The following AHCTF1 variants were observed in gnomAD, a reference collection of about 807,000 sequenced individuals.
AHCTF1 encodes AT-hook containing transcription factor 1.
Under a neutral mutation model 248.4 loss-of-function variants are expected in AHCTF1, and 24 were observed. That is an observed-to-expected ratio of 0.10 (90% confidence interval 0.07 to 0.14). The LOEUF is 0.14. Among genes scored for constraint, AHCTF1 ranks in the 10% least tolerant of loss-of-function variants. The probability of loss-of-function intolerance (pLI) is 1.00; values close to 1 mark genes in which losing one functional copy is unlikely to be tolerated. For synonymous variants in AHCTF1, 786 were observed against 929.8 expected (o/e 0.85, Z 2.81); for missense variants, 2,206 against 2,636.2 (o/e 0.84, Z 3.57).
chr1:246,930,364 C>G (rs1409242255), intron 1 of AHCTF1, among the ~76,000 whole-genome samples: 1 of 151,894 alleles, frequency 6.6e-6, no homozygotes, highest in Non-Finnish European at 1.5e-5. Context: ...TTTGCAAACT[C>G]GTGACAGCTT....
At chr1:246,922,177 T>C (rs558372239) in intron 1 of AHCTF1, among the ~76,000 whole-genome samples, 1 of 152,230 alleles carries the variant, frequency 6.6e-6, no homozygotes, top group Non-Finnish European at 1.5e-5. Context: ...CCAACCAGTA[T>C]GGTGAAACCC....
At chr1:246,901,424 C>G (rs1461223007) in intron 8 of AHCTF1, among the ~76,000 whole-genome samples, 1 of 152,000 alleles carries the variant, frequency 6.6e-6, no homozygotes, top group Non-Finnish European at 1.5e-5. Flanking sequence ...ATCATGAGGT[C>G]AGGAGATGGC....
At chr1:246,917,646 A>G (rs761918399) in intron 2 of AHCTF1, among the ~76,000 whole-genome samples, 2 of 152,220 alleles carry the variant, frequency 1.3e-5, no homozygotes, top group Non-Finnish European at 2.9e-5. Flanking sequence ...TGGCGCTGTC[A>G]AGAGAGAAAT....
At chr1:246,863,540 G>A (rs1028414799) in intron 27 of AHCTF1, among the ~76,000 whole-genome samples, 1 of 152,016 alleles carries the variant, frequency 6.6e-6, no homozygotes, top group Non-Finnish European at 1.5e-5. Context: ...TTTTGTCAAA[G>A]AATTTAAATA....
Position 246,900,185 on chromosome 1 carries a change from T to C in AHCTF1, c.1312A>G (p.Ser438Gly), listed in dbSNP as rs753660728. 2.5e-6 allele frequency: 4 copies of C among 1,608,898 alleles called. No individual in the cohort carries two copies. The highest frequency in any genetic ancestry group is 2.7e-5 in the African/African-American group (2 of 74,612). Residue 438 changes from serine (S) to glycine (G), a missense_variant, in exon 10 of 36, where the codon AGT becomes GGT. Coordinates refer to ENST00000648844, the MANE Select transcript of AHCTF1 (RefSeq NM_001323342.2). ...FALWSLESVV[S>G]RTSPHGILDI... ...AAGATGCCATGTGGAGAAGTCCTAC[T>C]TACAACAGACTCCAATGACCACAGT...
At chr1:246,863,884 A>G (rs1481119042) in intron 27 of AHCTF1, 40 bp downstream of exon 27, 1 of 1,590,662 alleles carries the variant, frequency 6.3e-7, no homozygotes, top group African/African-American at 1.3e-5. Context: ...AGTAAGAGCC[A>G]TCTAGTTTGA....
chr1:246,846,284 C>CTGCATCCCTA lies in AHCTF1; in HGVS notation c.6392-2366_6392-2357dup, dbSNP rs1660252143. 9.2e-5 allele frequency among the ~76,000 whole-genome samples: 14 copies of CTGCATCCCTA among 151,896 alleles called. No homozygotes were observed. In the South Asian group the frequency reaches 2.7e-3, roughly 29 times the overall value. ...TACCTATACCCAGTCTTCTCGGCACCTGCATCCCTATGTAAAAACGAAGTT... is the reference window on the plus strand; with the variant it reads ...TACCTATACCCAGTCTTCTCGGCACCTGCATCCCTATGCATCCCTATGTAAAAACGAAGTT... On this transcript the variant is annotated intron_variant, in intron 33 of 35. Coordinates refer to ENST00000648844, the MANE Select transcript of AHCTF1 (RefSeq NM_001323342.2).
chr1:246,921,191 T>C (rs1666524150), intron 1 of AHCTF1, among the ~76,000 whole-genome samples: 2 of 151,974 alleles, frequency 1.3e-5, no homozygotes, highest in African/African-American at 4.8e-5. Context: ...AAGCAAAATA[T>C]TGCTTAAGGA....
rs777048628 is a variant in AHCTF1 at position 246,891,855 on chromosome 1, T to C, written c.1869A>G (p.Gln623=). Residue 623 remains glutamine, a synonymous_variant, in exon 15 of 36, where the codon CAA becomes CAG. Coordinates refer to ENST00000648844, the MANE Select transcript of AHCTF1 (RefSeq NM_001323342.2). Reference sequence around the variant, plus strand: ...TAAGATTGCTAAGAAGCAAATAGCATTGCTGGATAGACTGTATAGTTTGTG... The same window carrying C: ...TAAGATTGCTAAGAAGCAAATAGCACTGCTGGATAGACTGTATAGTTTGTG... The part of the protein sequence containing the change: ...MDPQTIQSIQ[Q]CYLLLSNLNI... 23 of 1,605,228 alleles carry C rather than the reference T, an allele frequency of 1.4e-5. No individual in the cohort carries two copies. The highest frequency in any genetic ancestry group is 1.7e-5 in the Non-Finnish European group (20 of 1,177,262).
Position 246,839,408 on chromosome 1 carries a change from A to G in AHCTF1, c.*1398T>C, listed in dbSNP as rs1390755484. 3.1e-6 allele frequency: 1 copy of G among 324,404 alleles called. No individual in the cohort carries two copies. The highest frequency in any genetic ancestry group is 4.4e-6 in the Non-Finnish European group (1 of 225,908). 20.1% of individuals were successfully genotyped at this position (324,404 alleles called of 1,614,324 possible). A position where few individuals can be genotyped will look rare whatever the true frequency, so the allele number is the denominator to read the frequency against. ...TTATTCATTTAACAAGTTCATTTAA[A>G]TAAGTTCAATATTCCATAAATGACA... On this transcript the variant is annotated 3_prime_UTR_variant, in exon 36 of 36. Coordinates refer to ENST00000648844, the MANE Select transcript of AHCTF1 (RefSeq NM_001323342.2).
chr1:246,885,464 G>A, intron 21 of AHCTF1, 29 bp downstream of exon 21: 2 of 1,545,548 alleles, frequency 1.3e-6, no homozygotes, highest in South Asian at 2.3e-5. Flanking sequence ...ATACGATAAA[G>A]ACTTTATAGT....
intron 23 of AHCTF1, among the ~76,000 whole-genome samples, 158 bp from the exon 24 acceptor site, chr1:246,876,345 AT>A (rs975570459): frequency 6.6e-6 from 1 of 152,126 alleles, no homozygotes; most frequent in African/African-American, 2.4e-5. Flanking sequence ...CACATATCTA[AT>A]TTTTTTATCA....
rs571885337 is a variant in AHCTF1 at position 246,899,117 on chromosome 1, CTT to C, written c.1494+332_1494+333del. Among the ~76,000 whole-genome samples, 6 of 148,110 alleles carry C rather than the reference CTT, an allele frequency of 4.1e-5. No homozygotes were observed. The South Asian group carries it at 6.4e-4, about 16-fold the overall frequency. On this transcript the variant is annotated intron_variant, in intron 11 of 35. Coordinates refer to ENST00000648844, the MANE Select transcript of AHCTF1 (RefSeq NM_001323342.2). ...AAAGAGAAAAGTATTTTTCAAAATT[CTT>C]TTTTTTTTTCCTGTGCCAGGCACTA... is the stretch of plus-strand genomic sequence containing the variant.
At chr1:246,893,467 CTAAA>C (rs1308960159) in intron 14 of AHCTF1, among the ~76,000 whole-genome samples, 1 of 152,216 alleles carries the variant, frequency 6.6e-6, no homozygotes, top group Non-Finnish European at 1.5e-5. Context: ...ACATTTACCT[CTAAA>C]TAAATTTTAC....
intron 4 of AHCTF1, among the ~76,000 whole-genome samples, chr1:246,909,455 T>C (rs1665647706): frequency 6.9e-6 from 1 of 144,714 alleles, no homozygotes; most frequent in South Asian, 2.2e-4. Flanking sequence ...TATGATGAAA[T>C]CTGCTACCAT....
chr1:246,892,598 G>C (rs973207105), intron 14 of AHCTF1, among the ~76,000 whole-genome samples: 4 of 152,166 alleles, frequency 2.6e-5, no homozygotes, highest in Non-Finnish European at 4.4e-5. Flanking sequence ...TGGGATTACA[G>C]GCATGAGCCA....
chr1:246,855,850 C>CTT, intron 30 of AHCTF1, 23 bp from the exon 31 acceptor site: 1 of 1,561,384 alleles, frequency 6.4e-7, no homozygotes. Context: ...AAATACATAC[C>CTT]TTAGTGTGTA....
intron 1 of AHCTF1, among the ~76,000 whole-genome samples, chr1:246,926,087 C>G (rs1666903816): frequency 6.6e-6 from 1 of 151,494 alleles, no homozygotes; most frequent in South Asian, 2.1e-4. Flanking sequence ...CTCCTCACTC[C>G]CCACTCTCAT....
At chr1:246,911,806 T>C (rs1445747038) in intron 4 of AHCTF1, among the ~76,000 whole-genome samples, 1 of 152,166 alleles carries the variant, frequency 6.6e-6, no homozygotes, top group Non-Finnish European at 1.5e-5. Flanking sequence ...TATTTTAAAG[T>C]GCATGTATGA....
Sources: gnomAD v4.1 joint callset for allele counts (sites outside exome capture counted in the v4.1 genomes callset) on GRCh38, gnomAD v4.1.1 for gene constraint, MANE v1.5 for transcripts, NCBI Gene and HGNC (gene_info 2026-07-23, HGNC 2026-07-21) for gene names.